The following DLG2 variants were observed in gnomAD, a reference collection of about 807,000 sequenced individuals.
The protein encoded by DLG2 is disks large homolog 2.
A neutral mutation model predicts 132.5 loss-of-function variants in DLG2; 45 were observed. The observed-to-expected ratio is 0.34, with a 90% CI of 0.27 to 0.44. The LOEUF is 0.44. Ranked by LOEUF, DLG2 falls within the 20% of genes least tolerant of loss-of-function variation. DLG2 has a pLI of 1.00. For synonymous variants in DLG2, 424 were observed against 419.6 expected, an observed-to-expected ratio of 1.01 and a Z score of -0.13; for missense variants, 1,045 against 1,196.9, an observed-to-expected ratio of 0.87 and a Z score of 1.87.
At chr11:84,669,279 G>A (rs2153689654) in intron 6 of DLG2, among the ~76,000 whole-genome samples, 1 of 152,190 alleles carries the variant, frequency 6.6e-6, no homozygotes, top group South Asian at 2.1e-4. Flanking sequence ...CAAGGAAGCT[G>A]AAACAAGGGG....
At chr11:83,520,687 G>GTAGA (rs2095449308) in intron 21 of DLG2, among the ~76,000 whole-genome samples, 1 of 55,950 alleles carries the variant, frequency 1.8e-5, no homozygotes, top group Non-Finnish European at 4.1e-5. Flanking sequence ...AGACAGGTAA[G>GTAGA]TAGGTAGGTA....
intron 6 of DLG2, among the ~76,000 whole-genome samples, chr11:84,570,275 T>G (rs1236650896): frequency 1.3e-5 from 2 of 152,184 alleles, no homozygotes; most frequent in Non-Finnish European, 2.9e-5. Flanking sequence ...ATTCTTTATC[T>G]GGCTTATTCT....
At chr11:84,160,368 A>C (rs1395238594) in intron 9 of DLG2, among the ~76,000 whole-genome samples, 2 of 152,160 alleles carry the variant, frequency 1.3e-5, no homozygotes, top group Non-Finnish European at 1.5e-5. Flanking sequence ...GGAAGCATCA[A>C]ATCCTGCTAA....
At chr11:84,807,819 T>G (rs2076163864) in intron 6 of DLG2, among the ~76,000 whole-genome samples, 1 of 152,192 alleles carries the variant, frequency 6.6e-6, no homozygotes, top group Non-Finnish European at 1.5e-5. Flanking sequence ...CCTTTACATG[T>G]ATGTACAAAT....
chr11:85,552,095 G>GAAAAAAAAAAAAAAAA (rs764172663), intron 3 of DLG2, among the ~76,000 whole-genome samples: 2 of 64,184 alleles, frequency 3.1e-5, no homozygotes, highest in Non-Finnish European at 6.8e-5. Flanking sequence ...GGACTTAAAA[G>GAAAAAAAAAAAAAAAA]AAAAAAAAAA....
At chr11:84,972,588 C>T (rs1233742666) in intron 6 of DLG2, among the ~76,000 whole-genome samples, 1 of 152,176 alleles carries the variant, frequency 6.6e-6, no homozygotes, top group Non-Finnish European at 1.5e-5. Flanking sequence ...CCAAAATATG[C>T]AAATATGGCA....
intron 6 of DLG2, among the ~76,000 whole-genome samples, chr11:84,674,757 T>C (rs1034216448): frequency 6.6e-6 from 1 of 152,170 alleles, no homozygotes; most frequent in African/African-American, 2.4e-5. Context: ...TAATATGTGA[T>C]GTATGTGTCC....
intron 4 of DLG2, among the ~76,000 whole-genome samples, chr11:85,213,080 G>C (rs2082350089): frequency 1.3e-5 from 2 of 152,006 alleles, no homozygotes; most frequent in South Asian, 4.2e-4. Flanking sequence ...TGAAGAAAGA[G>C]GGAAAGAAAA....
chr11:85,058,937 A>G (rs2063738892), intron 6 of DLG2, among the ~76,000 whole-genome samples: 1 of 151,420 alleles, frequency 6.6e-6, no homozygotes, highest in Non-Finnish European at 1.5e-5. Flanking sequence ...ACAAACTTGG[A>G]GTCTGCATAG....
At chr11:84,395,453 G>C (rs2098807792) in intron 7 of DLG2, among the ~76,000 whole-genome samples, 2 of 152,132 alleles carry the variant, frequency 1.3e-5, no homozygotes, top group South Asian at 4.2e-4. Flanking sequence ...GTCTCATTCT[G>C]TCACCCAGGC....
At chr11:84,903,751 G>C (rs934838063) in intron 6 of DLG2, among the ~76,000 whole-genome samples, 5 of 152,054 alleles carry the variant, frequency 3.3e-5, no homozygotes, top group African/African-American at 1.2e-4. Context: ...AAATTTTAGA[G>C]AGTATTAAAA....
At chr11:85,265,761 T>C (rs558093511) in intron 4 of DLG2, among the ~76,000 whole-genome samples, 3 of 152,282 alleles carry the variant, frequency 2.0e-5, no homozygotes, top group African/African-American at 7.2e-5. Context: ...ACTCAGCCAG[T>C]AGAGAGAAGT....
At chr11:84,495,145 G>C (rs1165314431) in intron 7 of DLG2, among the ~76,000 whole-genome samples, 1 of 152,024 alleles carries the variant, frequency 6.6e-6, no homozygotes, top group Non-Finnish European at 1.5e-5. Context: ...TATATAATCT[G>C]TCCCTAAAAC....
chr11:83,929,636 T>C (rs2079765438), intron 15 of DLG2, among the ~76,000 whole-genome samples: 1 of 152,242 alleles, frequency 6.6e-6, no homozygotes, highest in South Asian at 2.1e-4. Flanking sequence ...ATTTGGACTC[T>C]ACATTTATTG....
intron 3 of DLG2, among the ~76,000 whole-genome samples, chr11:85,422,330 G>A (rs543160751): frequency 6.6e-6 from 1 of 152,150 alleles, no homozygotes; most frequent in South Asian, 2.1e-4. Flanking sequence ...ATTACTCTTA[G>A]GTTTGGTTGT....
At chr11:84,266,973 T>C (rs1250157495) in intron 7 of DLG2, among the ~76,000 whole-genome samples, 3 of 152,186 alleles carry the variant, frequency 2.0e-5, no homozygotes, top group Non-Finnish European at 4.4e-5. Context: ...GAATTCATAA[T>C]GTCATGTGGA....
intron 3 of DLG2, among the ~76,000 whole-genome samples, chr11:85,504,943 G>C (rs1310306304): frequency 6.6e-6 from 1 of 152,046 alleles, no homozygotes; most frequent in Non-Finnish European, 1.5e-5. Flanking sequence ...TTGTAAGTTG[G>C]ATTCCTAGGT....
intron 6 of DLG2, among the ~76,000 whole-genome samples, chr11:84,700,406 T>C (rs914662109): frequency 1.3e-5 from 2 of 151,618 alleles, no homozygotes; most frequent in African/African-American, 4.8e-5. Flanking sequence ...TGATGTGTAT[T>C]GAGACATTTT....
intron 6 of DLG2, among the ~76,000 whole-genome samples, chr11:85,005,618 A>AG (rs2058583840): frequency 6.6e-6 from 1 of 152,210 alleles, no homozygotes; most frequent in Non-Finnish European, 1.5e-5. Context: ...TGGCTTAAAG[A>AG]GATTTTAGAC....
Sources: gnomAD v4.1 joint callset for allele counts (sites outside exome capture counted in the v4.1 genomes callset) on GRCh38, gnomAD v4.1.1 for gene constraint, MANE v1.5 for transcripts, NCBI Gene and HGNC (gene_info 2026-07-23, HGNC 2026-07-21) for gene names.